Variants in AFG2A observed in about 807,000 individuals in gnomAD.
AFG2A encodes the protein AAA ATPase AFG2A.
At chr4:123,273,023 G>A in the AFG2A span, among the ~76,000 whole-genome samples, 3 of 152,078 alleles carry the variant, frequency 2.0e-5, no homozygotes, top group African/African-American at 4.8e-5. Flanking sequence ...ACAAAGAAAG[G>A]TTTTGCCTTC....
At chr4:122,968,958 A>G in the AFG2A span, among the ~76,000 whole-genome samples, 1 of 151,996 alleles carries the variant, frequency 6.6e-6, no homozygotes, top group Non-Finnish European at 1.5e-5. Context: ...ATTTTTCTGT[A>G]GGGTTACTTT....
the AFG2A span, among the ~76,000 whole-genome samples, chr4:123,082,569 G>A: frequency 8.4e-5 from 12 of 142,254 alleles, no homozygotes; most frequent in South Asian, 6.4e-4. Flanking sequence ...GATTACTGTC[G>A]CTTTATAGGA....
chr4:123,188,131 G>A, the AFG2A span, among the ~76,000 whole-genome samples: 2 of 151,596 alleles, frequency 1.3e-5, no homozygotes, highest in African/African-American at 4.8e-5. Context: ...TTAAACATAT[G>A]GAACACATCT....
chr4:123,106,205 A>T, the AFG2A span, among the ~76,000 whole-genome samples: 2 of 152,214 alleles, frequency 1.3e-5, no homozygotes, highest in Non-Finnish European at 2.9e-5. Flanking sequence ...AATCATTTGC[A>T]TTTTTAGCAA....
the AFG2A span, among the ~76,000 whole-genome samples, chr4:123,021,455 T>C: frequency 6.6e-6 from 1 of 152,182 alleles, no homozygotes; most frequent in Non-Finnish European, 1.5e-5. Context: ...TTAAGTCTAC[T>C]TCCTTGCTCT....
the AFG2A span, among the ~76,000 whole-genome samples, chr4:123,014,117 T>C: frequency 2.0e-5 from 3 of 152,174 alleles, no homozygotes; most frequent in Non-Finnish European, 2.9e-5. Flanking sequence ...GTCTTCCCTC[T>C]GTTTTTAGTT....
the AFG2A span, among the ~76,000 whole-genome samples, chr4:123,110,207 T>G: frequency 6.6e-6 from 1 of 152,156 alleles, no homozygotes; most frequent in African/African-American, 2.4e-5. Context: ...ATTAAGTAAT[T>G]AAGAATAATT....
chr4:123,081,627 C>T, the AFG2A span, among the ~76,000 whole-genome samples: 1 of 152,294 alleles, frequency 6.6e-6, no homozygotes, highest in Middle Eastern at 3.4e-3. Flanking sequence ...TATAAGTTTT[C>T]TATTCCTTTT....
At chr4:123,067,075 A>G in the AFG2A span, among the ~76,000 whole-genome samples, 2 of 152,202 alleles carry the variant, frequency 1.3e-5, no homozygotes, top group Non-Finnish European at 2.9e-5. Flanking sequence ...TGCTGTAGCT[A>G]TCTCACCTTT....
At chr4:123,114,018 G>A in the AFG2A span, among the ~76,000 whole-genome samples, 1 of 151,776 alleles carries the variant, frequency 6.6e-6, no homozygotes, top group Non-Finnish European at 1.5e-5. Context: ...TCATCCTGTT[G>A]TCTGCAGCTC....
the AFG2A span, among the ~76,000 whole-genome samples, chr4:123,122,358 G>A: frequency 6.2e-4 from 94 of 152,290 alleles, no homozygotes; most frequent in Middle Eastern, 6.8e-3. Flanking sequence ...ACAATTTAGC[G>A]TAGCTTACCT....
At chr4:123,222,515 A>T in the AFG2A span, among the ~76,000 whole-genome samples, 2 of 152,124 alleles carry the variant, frequency 1.3e-5, no homozygotes, top group African/African-American at 4.8e-5. Flanking sequence ...AAAGAGGAAA[A>T]TTTTTTTAGT....
the AFG2A span, among the ~76,000 whole-genome samples, chr4:123,239,335 C>G: frequency 6.6e-6 from 1 of 152,086 alleles, no homozygotes; most frequent in Non-Finnish European, 1.5e-5. Flanking sequence ...CAGAGAACAC[C>G]ACAAAGATAC....
At chr4:123,303,033 C>G in the AFG2A span, among the ~76,000 whole-genome samples, 2 of 149,246 alleles carry the variant, frequency 1.3e-5, no homozygotes. Context: ...TCTGTTTGCT[C>G]TCTTATCCCT....
the AFG2A span, among the ~76,000 whole-genome samples, chr4:123,264,605 A>G: frequency 2.0e-4 from 30 of 152,188 alleles, no homozygotes; most frequent in Admixed American, 4.6e-4. Flanking sequence ...AAAAATCAGC[A>G]TGTGCTAAAA....
chr4:123,154,993 C>T, the AFG2A span, among the ~76,000 whole-genome samples: 9 of 152,118 alleles, frequency 5.9e-5, no homozygotes, highest in African/African-American at 1.9e-4. Flanking sequence ...TCTTCCCTCC[C>T]TCTCTGCCCC....
chr4:123,238,991 AATGACCTG>A, the AFG2A span, among the ~76,000 whole-genome samples: 2 of 152,218 alleles, frequency 1.3e-5, no homozygotes, highest in Non-Finnish European at 2.9e-5. Flanking sequence ...GAAGACCTTA[AATGACCTG>A]ATGGAGCTGA....
chr4:123,023,183 AATAATAATG>A, the AFG2A span, among the ~76,000 whole-genome samples: 1 of 151,816 alleles, frequency 6.6e-6, no homozygotes, highest in Non-Finnish European at 1.5e-5. Flanking sequence ...CTTAAAGTAT[AATAATAATG>A]ATAATAATAA....
chr4:123,250,353 T>C, the AFG2A span, among the ~76,000 whole-genome samples: 1 of 152,148 alleles, frequency 6.6e-6, no homozygotes, highest in Non-Finnish European at 1.5e-5. Context: ...CATAATAAAC[T>C]AACATGTTTA....
Sources: gnomAD v4.1 joint callset for allele counts (sites outside exome capture counted in the v4.1 genomes callset) on GRCh38, gnomAD v4.1.1 for gene constraint, MANE v1.5 for transcripts, NCBI Gene and HGNC (gene_info 2026-07-23, HGNC 2026-07-21) for gene names.